The following MKNK1 variants were observed in gnomAD, a reference collection of about 807,000 sequenced individuals.
MKNK1 encodes MAPK interacting serine/threonine kinase 1.
MKNK1 carries 30 observed loss-of-function variants against 49.3 expected under a neutral mutation model. The ratio of observed to expected loss-of-function variants is 0.61; its 90% confidence interval spans 0.46 to 0.83. The LOEUF is 0.83. MKNK1 is among the 40% of genes least tolerant of loss of function. The probability of loss-of-function intolerance (pLI) is 0.00; values close to 1 mark genes in which losing one functional copy is unlikely to be tolerated. For missense variants in MKNK1, 423 were observed against 524.7 expected (o/e 0.81, Z 1.89); for synonymous variants, 176 against 201.7 (o/e 0.87, Z 1.08).
In MKNK1 at chr1:46,557,558, C is replaced by T. The variant is rs1389342613; in HGVS notation, c.*1017G>A. ...ATCTGAATGGCTGTACCTTCATGCACACGGGCAGCAGGCACTGCATTGCTC... is the reference window on the plus strand; with the variant it reads ...ATCTGAATGGCTGTACCTTCATGCATACGGGCAGCAGGCACTGCATTGCTC... On this transcript the variant is annotated 3_prime_UTR_variant, in exon 13 of 13. Coordinates refer to ENST00000371945, the MANE Select transcript of MKNK1 (RefSeq NM_001135553.4). 2 of 152,658 alleles carry T rather than the reference C, an allele frequency of 1.3e-5. No homozygotes were observed. Among genetic ancestry groups the T allele is most frequent in the East Asian group, 3.8e-4 (2 of 5,204 alleles). The allele number at this position is 152,658 out of a possible 1,614,324, so 9.5% of individuals were successfully genotyped here.
At chr1:46,585,677 G>C in intron 2 of MKNK1, 1 of 401,844 alleles carries the variant, frequency 2.5e-6, no homozygotes, top group Non-Finnish European at 5.1e-6. Flanking sequence ...AGCAGCAAGA[G>C]GGCTGGAGGC....
In MKNK1 at chr1:46,594,234, G is replaced by C; in HGVS notation, c.-124C>G. Reference sequence around the variant, plus strand: ...CACGAAGTGTCTCAATGGCCTTTGTGCGTAGGTGGCAATCTTCAGTTCTCC... The same window carrying C: ...CACGAAGTGTCTCAATGGCCTTTGTCCGTAGGTGGCAATCTTCAGTTCTCC... On this transcript the variant is annotated 5_prime_UTR_variant, in exon 2 of 13. Transcript: ENST00000371945. The C allele has an allele frequency of 1.0e-6, 1 of 993,484 alleles. No homozygotes were observed. 61.5% of individuals were successfully genotyped at this position (993,484 alleles called of 1,614,324 possible). A position where few individuals can be genotyped will look rare whatever the true frequency, so the allele number is the denominator to read the frequency against.
At chr1:46,585,457 T>C (rs530609537) in intron 2 of MKNK1, 20 of 177,564 alleles carry the variant, frequency 1.1e-4, no homozygotes, top group Non-Finnish European at 2.1e-4. Flanking sequence ...GGCAGCAGGC[T>C]GAGAAGGAGG....
chr1:46,590,354 A>G (rs1233909527), intron 2 of MKNK1, among the ~76,000 whole-genome samples: 1 of 152,114 alleles, frequency 6.6e-6, no homozygotes, highest in Non-Finnish European at 1.5e-5. Flanking sequence ...CCACATGACT[A>G]CTCCTAGTAG....
intron 2 of MKNK1, among the ~76,000 whole-genome samples, chr1:46,593,230 G>A (rs545293001): frequency 5.3e-5 from 8 of 152,222 alleles, no homozygotes; most frequent in Admixed American, 1.3e-4. Context: ...CTACGGTCTC[G>A]CTCTGTCATC....
intron 11 of MKNK1, among the ~76,000 whole-genome samples, chr1:46,560,602 T>G (rs1667781595): frequency 6.6e-6 from 1 of 152,208 alleles, no homozygotes; most frequent in South Asian, 2.1e-4. Context: ...CCTGCCTCAG[T>G]CTCAGGCCCG....
rs1448108164 is a variant in MKNK1, at chr1:46,561,630, C to G, written c.817G>C (p.Glu273Gln). 6.2e-7 allele frequency: 1 copy of G among 1,613,974 alleles called. No homozygotes were observed. Among genetic ancestry groups the G allele is most frequent in the Admixed American group, 1.7e-5 (1 of 60,000 alleles). ...VCRVCQNKLF[E>Q]SIQEGKYEFP... ...TCATACTTGCCTTCCTGGATGCTTT[C>G]AAACAGCTTGTTCTAGGTACAAAAG... The change falls in exon 11 of 13, where the codon GAA (glutamate) becomes CAA (glutamine). Residue 273 changes from glutamate (E) to glutamine (Q), a missense_variant. Coordinates refer to ENST00000371945, the MANE Select transcript of MKNK1 (RefSeq NM_001135553.4).
chr1:46,586,809 C>A (rs943120003), intron 2 of MKNK1, among the ~76,000 whole-genome samples: 3 of 152,132 alleles, frequency 2.0e-5, no homozygotes, highest in African/African-American at 7.2e-5. Flanking sequence ...CCTTCACTTT[C>A]TTATCTTTTC....
At chr1:46,588,807 C>CAAA (rs35556956) in intron 2 of MKNK1, among the ~76,000 whole-genome samples, 2,516 of 71,250 alleles carry the variant, frequency 0.035, 35 homozygotes, top group South Asian at 0.074. Context: ...GACTCCGTCT[C>CAAA]AAAAAAAAAA....
chr1:46,583,174 C>G lies in MKNK1; in HGVS notation c.100+54G>C, dbSNP rs1352220610. The G allele has an allele frequency of 1.1e-5, 15 of 1,416,594 alleles. No individual in the cohort carries two copies. In the East Asian group the frequency reaches 2.5e-4, roughly 24 times the overall value. The allele number at this position is 1,416,594 out of a possible 1,614,324, so 87.8% of individuals were successfully genotyped here. A position where few individuals can be genotyped will look rare whatever the true frequency, so the allele number is the denominator to read the frequency against. ...TCGGACCTGTGGCTCCCGGGATGCT[C>G]CTCCCATGCTTGGGAAGCTGCAGGC... On this transcript the variant is annotated intron_variant, in intron 3 of 12. Coordinates refer to ENST00000371945, the MANE Select transcript of MKNK1 (RefSeq NM_001135553.4).
At chr1:46,591,518 GA>G (rs979027616) in intron 2 of MKNK1, among the ~76,000 whole-genome samples, 5 of 152,138 alleles carry the variant, frequency 3.3e-5, no homozygotes, top group African/African-American at 1.2e-4. Context: ...GAAGGACATG[GA>G]AGGGGAGAAT....
chr1:46,601,350 C>T (rs1283187690), intron 1 of MKNK1, among the ~76,000 whole-genome samples: 1 of 152,248 alleles, frequency 6.6e-6, no homozygotes, highest in Non-Finnish European at 1.5e-5. Flanking sequence ...TTCTCTTCCA[C>T]ATGCTGAGGC....
chr1:46,562,901 C>G, intron 9 of MKNK1, 58 bp from the exon 10 acceptor site: 1 of 1,387,884 alleles, frequency 7.2e-7, no homozygotes, highest in South Asian at 1.3e-5. Flanking sequence ...GGCTTAGTTA[C>G]AGCAGAGGGG....
At chr1:46,600,366 G>A (rs922619271) in intron 1 of MKNK1, among the ~76,000 whole-genome samples, 2 of 152,186 alleles carry the variant, frequency 1.3e-5, no homozygotes, top group African/African-American at 4.8e-5. Context: ...TGTGCTTACC[G>A]AATTGAATCT....
chr1:46,562,561 C>T lies in MKNK1; in HGVS notation c.804+88G>A, dbSNP rs545727324. 7.7e-5 allele frequency: 108 copies of T among 1,408,712 alleles called. No individual in the cohort carries two copies. The Admixed American group carries it at 8.8e-4, about 11-fold the overall frequency. The allele number at this position is 1,408,712 out of a possible 1,614,324, so 87.3% of individuals were successfully genotyped here. A position where few individuals can be genotyped will look rare whatever the true frequency, so the allele number is the denominator to read the frequency against. On this transcript the variant is annotated intron_variant, in intron 10 of 12. Coordinates refer to ENST00000371945, the MANE Select transcript of MKNK1 (RefSeq NM_001135553.4). Reference sequence around the variant, plus strand: ...TATGAGCCCCCATCCCGATCAGGAACGCTCTCCCAGCCCAGTCCTGCTTGG... The same window carrying T: ...TATGAGCCCCCATCCCGATCAGGAATGCTCTCCCAGCCCAGTCCTGCTTGG...
At chr1:46,571,521 T>A (rs1670125330) in intron 7 of MKNK1, 1 of 436,922 alleles carries the variant, frequency 2.3e-6, no homozygotes, top group Admixed American at 2.7e-5. Flanking sequence ...CCAGCCTAGG[T>A]GACAGAGAGA....
chr1:46,592,372 A>G (rs541077864), intron 2 of MKNK1, among the ~76,000 whole-genome samples: 1 of 152,372 alleles, frequency 6.6e-6, no homozygotes, highest in South Asian at 2.1e-4. Context: ...AGCAACAGAC[A>G]GCATCTTAGT....
intron 8 of MKNK1, 152 bp downstream of exon 8, chr1:46,568,291 T>A (rs763026917): frequency 4.7e-5 from 32 of 686,762 alleles, no homozygotes; most frequent in Non-Finnish European, 6.9e-5. Flanking sequence ...GGCAGAAACA[T>A]CACACAGTAA....
chr1:46,594,549 C>T (rs150057966), intron 1 of MKNK1, among the ~76,000 whole-genome samples: 10 of 152,340 alleles, frequency 6.6e-5, no homozygotes, highest in African/African-American at 2.4e-4. Flanking sequence ...TCTCTATCCC[C>T]ACTGCCATTA....
Sources: allele counts gnomAD v4.1 joint callset (sites outside exome capture counted in the v4.1 genomes callset), GRCh38; gene constraint gnomAD v4.1.1; transcripts MANE v1.5; gene names NCBI Gene and HGNC (gene_info 2026-07-23, HGNC 2026-07-21).